Variants in SLX4IP observed in about 807,000 individuals in gnomAD.
The protein encoded by SLX4IP is SLX4 interacting protein, also known as protein SLX4IP.
In SLX4IP, 34 loss-of-function variants were observed where a neutral mutation model predicts 32.9. The observed-to-expected ratio is 1.03, with a 90% CI of 0.79 to 1.38. The LOEUF (loss-of-function observed/expected upper bound fraction) is 1.38, where lower values mean the gene tolerates loss of function less well. Ranked by LOEUF, SLX4IP falls within the 40% of genes most tolerant of loss-of-function variation. SLX4IP has a pLI of 0.00. For missense variants in SLX4IP, 444 were observed against 479.0 expected (o/e 0.93, Z 0.68); for synonymous variants, 172 against 171.7 (o/e 1.00, Z -0.01).
At chr20:10,558,563 AAGC>A (rs2122499609) in intron 3 of SLX4IP, among the ~76,000 whole-genome samples, 1 of 152,326 alleles carries the variant, frequency 6.6e-6, no homozygotes, top group East Asian at 1.9e-4. Flanking sequence ...TATACAGTGA[AAGC>A]CTAAGAATAT....
intron 6 of SLX4IP, chr20:10,613,699 A>T (rs1449368388): frequency 6.2e-7 from 1 of 1,613,102 alleles, no homozygotes; most frequent in African/African-American, 1.3e-5. Context: ...GCGTTATAGG[A>T]TGGGACCTCT....
chr20:10,553,868 C>T (rs1043639318), intron 2 of SLX4IP, among the ~76,000 whole-genome samples: 1 of 152,234 alleles, frequency 6.6e-6, no homozygotes, highest in African/African-American at 2.4e-5. Flanking sequence ...CATCTTTCAA[C>T]ATGCTTCACA....
chr20:10,614,529 A>T (rs1056148314), intron 6 of SLX4IP, among the ~76,000 whole-genome samples: 4 of 152,138 alleles, frequency 2.6e-5, no homozygotes, highest in African/African-American at 9.7e-5. Context: ...ACCTGATGAC[A>T]TGGCCCCAAA....
chr20:10,445,933 CTTTTTTTT>C (rs749557514), intron 1 of SLX4IP, among the ~76,000 whole-genome samples: 15,093 of 60,614 alleles, frequency 0.25, 912 homozygotes, highest in Admixed American at 0.31. Context: ...GCTGAGATTG[CTTTTTTTT>C]TTTTTTTTTT....
At chr20:10,474,941 T>C (rs2122370118) in intron 2 of SLX4IP, among the ~76,000 whole-genome samples, 1 of 152,332 alleles carries the variant, frequency 6.6e-6, no homozygotes, top group East Asian at 1.9e-4. Context: ...TGAGAGAGTC[T>C]CATCTTCTCC....
In SLX4IP at chr20:10,523,392, T is replaced by C. The variant is rs868123438; in HGVS notation, c.28-32839T>C. ...CTTAACTGGTTTTCATGATAATTAT[T>C]AAATTGCCTAAATTGTCTTCCTTCT... On this transcript the variant is annotated intron_variant, in intron 2 of 7. Transcript: ENST00000334534. 5.3e-5 allele frequency among the ~76,000 whole-genome samples: 8 copies of C among 152,336 alleles called. No individual in the cohort carries two copies. The South Asian group carries it at 1.2e-3, about 24-fold the overall frequency.
chr20:10,515,272 A>C (rs577916689), intron 2 of SLX4IP, among the ~76,000 whole-genome samples: 70 of 152,048 alleles, frequency 4.6e-4, no homozygotes, highest in African/African-American at 1.6e-3. Flanking sequence ...TTTAGTAGCG[A>C]CGGGGTTTCA....
Position 10,626,572 on chromosome 20 carries a change from A to G in SLX4IP, c.*3193A>G, listed in dbSNP as rs574868729. The G allele has an allele frequency of 6.6e-6, 1 of 152,160 alleles. No homozygotes were observed. The highest frequency in any genetic ancestry group is 2.4e-5 in the African/African-American group (1 of 41,430). The allele number at this position is 152,160 out of a possible 1,614,324, so 9.4% of individuals were successfully genotyped here. On this transcript the variant is annotated 3_prime_UTR_variant, in exon 8 of 8. Coordinates refer to ENST00000334534, the MANE Select transcript of SLX4IP (RefSeq NM_001009608.3). ...CTAAGCCACTTCCATGTGCTTTCAGATGGCATCTTAATAGATTGGTGTTGA... is the reference window on the plus strand; with the variant it reads ...CTAAGCCACTTCCATGTGCTTTCAGGTGGCATCTTAATAGATTGGTGTTGA...
At chr20:10,597,668 G>T (rs2066787686) in intron 4 of SLX4IP, among the ~76,000 whole-genome samples, 1 of 152,182 alleles carries the variant, frequency 6.6e-6, no homozygotes, top group Non-Finnish European at 1.5e-5. Flanking sequence ...AAAATTTACT[G>T]TTGATGGATA....
In SLX4IP at chr20:10,461,235, T is replaced by C. The variant is rs183340276; in HGVS notation, c.27+3004T>C. ...GGCCAAGTAGGGCAGACCATCCTGG[T>C]CAACCATGAAACTTGGACGTGAGGC... On this transcript the variant is annotated intron_variant, in intron 2 of 7. Transcript: ENST00000334534. 2.0e-5 allele frequency among the ~76,000 whole-genome samples: 3 copies of C among 152,324 alleles called. No individual in the cohort carries two copies. The East Asian group carries it at 5.8e-4, about 29-fold the overall frequency.
chr20:10,559,033 T>C (rs1331128970), intron 3 of SLX4IP, among the ~76,000 whole-genome samples: 1 of 152,250 alleles, frequency 6.6e-6, no homozygotes, highest in Non-Finnish European at 1.5e-5. Flanking sequence ...AGCCAAATTT[T>C]AGCAATCCTT....
intron 1 of SLX4IP, among the ~76,000 whole-genome samples, chr20:10,455,505 C>T (rs935469595): frequency 2.0e-5 from 3 of 151,920 alleles, no homozygotes; most frequent in African/African-American, 4.8e-5. Flanking sequence ...ATCTTAGTAC[C>T]CTTGTTGAAA....
intron 1 of SLX4IP, among the ~76,000 whole-genome samples, chr20:10,451,011 C>A (rs542476216): frequency 5.8e-4 from 89 of 152,200 alleles, no homozygotes; most frequent in African/African-American, 2.1e-3. Context: ...CTCGGCCTCC[C>A]AAAGTGCTGG....
At chr20:10,550,238 C>T (rs1170693896) in intron 2 of SLX4IP, among the ~76,000 whole-genome samples, 1 of 152,148 alleles carries the variant, frequency 6.6e-6, no homozygotes, top group Non-Finnish European at 1.5e-5. Context: ...TTTACTTATT[C>T]TCCCCATTTT....
intron 1 of SLX4IP, among the ~76,000 whole-genome samples, chr20:10,455,449 G>A (rs570227208): frequency 2.7e-4 from 41 of 152,152 alleles, no homozygotes; most frequent in African/African-American, 9.2e-4. Context: ...TGGATACTCA[G>A]TTGTTCTAGA....
intron 2 of SLX4IP, among the ~76,000 whole-genome samples, chr20:10,481,320 TG>T (rs2065519439): frequency 6.6e-6 from 1 of 152,188 alleles, no homozygotes; most frequent in Admixed American, 6.5e-5. Context: ...AGGAAAGATA[TG>T]GAGTCATCTT....
rs899429821 is a variant in SLX4IP at position 10,485,454 on chromosome 20, A to T, written c.27+27223A>T. 3.9e-5 allele frequency among the ~76,000 whole-genome samples: 6 copies of T among 152,118 alleles called. No homozygotes were observed. The East Asian group carries it at 1.2e-3, about 29-fold the overall frequency. ...CTTTCTCTACTACACTGTCTCTACT[A>T]AAAAAACAAAACATTAGCCGGGCAT... On this transcript the variant is annotated intron_variant, in intron 2 of 7. Coordinates refer to ENST00000334534, the MANE Select transcript of SLX4IP (RefSeq NM_001009608.3).
chr20:10,615,894 A>G (rs2067021475), intron 6 of SLX4IP, among the ~76,000 whole-genome samples: 1 of 152,044 alleles, frequency 6.6e-6, no homozygotes, highest in Admixed American at 6.6e-5. Context: ...AGGCCCTTTT[A>G]TAAAAACACC....
chr20:10,540,103 C>A, intron 2 of SLX4IP, among the ~76,000 whole-genome samples: 1 of 102,504 alleles, frequency 9.8e-6, no homozygotes, highest in African/African-American at 4.9e-5. Context: ...TCCTTTCCTT[C>A]CTTCCTTCCT....
Sources: gnomAD v4.1 joint callset for allele counts (sites outside exome capture counted in the v4.1 genomes callset) on GRCh38, gnomAD v4.1.1 for gene constraint, MANE v1.5 for transcripts, NCBI Gene and HGNC (gene_info 2026-07-23, HGNC 2026-07-21) for gene names.